The following XPR1 variants were observed in gnomAD, a reference collection of about 807,000 sequenced individuals.
The protein encoded by XPR1 is solute carrier family 53 member 1.
In XPR1, 28 loss-of-function variants were observed where a neutral mutation model predicts 87.5. The observed-to-expected ratio is 0.32, with a 90% confidence interval of 0.24 to 0.44. The LOEUF is 0.44. Ranked by LOEUF, XPR1 falls within the 20% of genes least tolerant of loss-of-function variation. The pLI is 1.00. For missense variants in XPR1, 559 were observed against 862.3 expected, an observed-to-expected ratio of 0.65 and a Z score of 4.41; for synonymous variants, 300 against 306.1, an observed-to-expected ratio of 0.98 and a Z score of 0.21.
Position 180,679,959 on chromosome 1 carries a change from A to G in XPR1, c.70-2401A>G, listed in dbSNP as rs1656508270. ...GAGTGAAAAAAGAACCTATAAAATG[A>G]GAGAAAATATCTGGACACTACTCAC... On this transcript the variant is annotated intron_variant, in intron 1 of 14. Coordinates refer to ENST00000367590, the MANE Select transcript of XPR1 (RefSeq NM_004736.4). Among the ~76,000 whole-genome samples, 3 of 152,304 alleles carry G rather than the reference A, an allele frequency of 2.0e-5. No individual in the cohort carries two copies. The South Asian group carries it at 6.2e-4, about 32-fold the overall frequency.
At chr1:180,734,491 A>G (rs898377824) in intron 2 of XPR1, among the ~76,000 whole-genome samples, 2 of 152,176 alleles carry the variant, frequency 1.3e-5, no homozygotes, top group African/African-American at 4.8e-5. Flanking sequence ...TTCAAATGCA[A>G]TGATCTGAGA....
At chr1:180,685,665 C>G (rs1365645886) in intron 2 of XPR1, among the ~76,000 whole-genome samples, 1 of 152,016 alleles carries the variant, frequency 6.6e-6, no homozygotes, top group African/African-American at 2.4e-5. Flanking sequence ...AATTTCAGAG[C>G]CTGTTATTGG....
At chr1:180,824,686 CA>C (rs1650764243) in intron 7 of XPR1, 66 bp from the exon 8 acceptor site, 1 of 1,379,962 alleles carries the variant, frequency 7.2e-7, no homozygotes, top group Non-Finnish European at 9.9e-7. Context: ...AGAATGAAGA[CA>C]AAAGATTATT....
At chr1:180,798,525 C>G (rs1649668108) in intron 3 of XPR1, among the ~76,000 whole-genome samples, 2 of 152,176 alleles carry the variant, frequency 1.3e-5, no homozygotes, top group African/African-American at 4.8e-5. Context: ...CAGCCAGAAC[C>G]CCAACTGGTT....
intron 2 of XPR1, among the ~76,000 whole-genome samples, chr1:180,780,574 C>G (rs868573897): frequency 4.6e-5 from 7 of 151,854 alleles, no homozygotes; most frequent in African/African-American, 1.7e-4. Context: ...GAGTTCCATC[C>G]TGGCTAACAT....
At chr1:180,753,034 G>A (rs1214115100) in intron 2 of XPR1, among the ~76,000 whole-genome samples, 1 of 152,172 alleles carries the variant, frequency 6.6e-6, no homozygotes, top group African/African-American at 2.4e-5. Flanking sequence ...CATACATCAT[G>A]TAGAAAGAAC....
intron 2 of XPR1, among the ~76,000 whole-genome samples, chr1:180,683,102 C>G (rs1329817848): frequency 6.6e-6 from 1 of 151,454 alleles, no homozygotes; most frequent in Non-Finnish European, 1.5e-5. Context: ...AGGTATATCT[C>G]CTAATGCTAT....
At chr1:180,636,942 C>T (rs919687345) in intron 1 of XPR1, among the ~76,000 whole-genome samples, 2 of 150,808 alleles carry the variant, frequency 1.3e-5, no homozygotes, top group African/African-American at 2.4e-5. Context: ...GTCCCACCTA[C>T]GCGGGAGACT....
At chr1:180,632,415 C>T in intron 1 of XPR1, 145 bp downstream of exon 1, 1 of 1,078,012 alleles carries the variant, frequency 9.3e-7, no homozygotes, top group Non-Finnish European at 1.4e-6. Flanking sequence ...TGCGGCATCC[C>T]CGCCGCGGCC....
chr1:180,687,140 C>G (rs1349743906), intron 2 of XPR1, among the ~76,000 whole-genome samples: 1 of 152,020 alleles, frequency 6.6e-6, no homozygotes, highest in Non-Finnish European at 1.5e-5. Context: ...ATTCCTTACC[C>G]TGAGTAAGTT....
In XPR1 at chr1:180,803,431, T is replaced by C. The variant is rs781274500; in HGVS notation, c.267T>C (p.Asn89=). The C allele has an allele frequency of 6.2e-7, 1 of 1,614,098 alleles. No individual in the cohort carries two copies. The highest frequency in any genetic ancestry group is 1.1e-5 in the South Asian group (1 of 91,088). Residue 89 remains asparagine (N), a synonymous_variant, in exon 4 of 15, where the codon AAT becomes AAC. Transcript: ENST00000367590. ...EAQRRFATLQ[N]ELQSSLDAQK... is the part of the protein sequence containing the mutation. ...AGCGCAGGTTTGCTACACTTCAGAA[T>C]GAGCTTCAGTCATCACTGGATGCAC...
rs181226124 is a variant in XPR1, at chr1:180,632,067, C to T, written c.-135C>T. ...GGCGGGCGGGCTGCTCTGAAGAGACCTCGGCGGCGGCGGAGGAGGAGAGAA... is the reference window on the plus strand; with the variant it reads ...GGCGGGCGGGCTGCTCTGAAGAGACTTCGGCGGCGGCGGAGGAGGAGAGAA... On this transcript the variant is annotated 5_prime_UTR_variant, in exon 1 of 15. Coordinates refer to ENST00000367590, the MANE Select transcript of XPR1 (RefSeq NM_004736.4). 1.6e-4 allele frequency: 165 copies of T among 1,037,010 alleles called. No individual in the cohort carries two copies. In the African/African-American group the frequency reaches 2.2e-3, roughly 14 times the overall value. 64.2% of individuals were successfully genotyped at this position (1,037,010 alleles called of 1,614,324 possible).
At chr1:180,845,998 G>A (rs67780680) in intron 11 of XPR1, among the ~76,000 whole-genome samples, 36,623 of 152,050 alleles carry the variant, frequency 0.24, 4,617 homozygotes, top group Middle Eastern at 0.35. Flanking sequence ...GGTGGCTCAC[G>A]CCTGTAATCC....
At chr1:180,855,992 A>G (rs552505410) in intron 11 of XPR1, among the ~76,000 whole-genome samples, 2 of 152,150 alleles carry the variant, frequency 1.3e-5, no homozygotes, top group Admixed American at 6.5e-5. Flanking sequence ...ACTGTTTGTC[A>G]TTACTGGCTC....
intron 2 of XPR1, among the ~76,000 whole-genome samples, chr1:180,763,653 T>A (rs559123208): frequency 3.9e-5 from 6 of 152,328 alleles, no homozygotes; most frequent in African/African-American, 1.4e-4. Flanking sequence ...GGCAAAAATA[T>A]GTGATGGGCT....
At chr1:180,825,818 A>G (rs1650811607) in intron 9 of XPR1, among the ~76,000 whole-genome samples, 1 of 152,234 alleles carries the variant, frequency 6.6e-6, no homozygotes, top group Non-Finnish European at 1.5e-5. Flanking sequence ...TAGGAAGCCA[A>G]GGCGGGTGGA....
chr1:180,647,025 T>C, intron 1 of XPR1, among the ~76,000 whole-genome samples: 1 of 152,260 alleles, frequency 6.6e-6, no homozygotes, highest in East Asian at 1.9e-4. Flanking sequence ...TAATCTGTAA[T>C]TGCAGCTGCT....
intron 11 of XPR1, among the ~76,000 whole-genome samples, chr1:180,842,138 A>G (rs542246414): frequency 2.6e-5 from 4 of 152,332 alleles, no homozygotes; most frequent in East Asian, 1.9e-4. Flanking sequence ...ATGTATGTGT[A>G]CTGTTACAAA....
intron 1 of XPR1, among the ~76,000 whole-genome samples, chr1:180,641,417 T>C (rs1221771722): frequency 6.6e-6 from 1 of 152,168 alleles, no homozygotes; most frequent in Admixed American, 6.5e-5. Flanking sequence ...TCATGGAAAA[T>C]GGCTTTGTTG....
Sources: gnomAD v4.1 joint callset for allele counts (sites outside exome capture counted in the v4.1 genomes callset) on GRCh38, gnomAD v4.1.1 for gene constraint, MANE v1.5 for transcripts, NCBI Gene and HGNC (gene_info 2026-07-23, HGNC 2026-07-21) for gene names.